KCNIP4: variants seen among roughly 807,000 people sequenced by gnomAD.
KCNIP4 encodes the protein potassium voltage-gated channel interacting protein 4.
KCNIP4 carries 12 observed loss-of-function variants against 34.0 expected under a neutral mutation model. That is an observed-to-expected ratio of 0.35 (90% CI 0.23 to 0.57). The LOEUF is 0.57. KCNIP4 is among the 20% of genes least tolerant of loss of function. KCNIP4 has a pLI of 0.83. For missense variants in KCNIP4, 238 were observed against 311.7 expected (o/e 0.76, Z 1.78); for synonymous variants, 124 against 102.2 (o/e 1.21, Z -1.29).
intron 1 of KCNIP4, among the ~76,000 whole-genome samples, chr4:21,493,137 C>G (rs915181392): frequency 1.3e-5 from 2 of 150,840 alleles, no homozygotes; most frequent in African/African-American, 4.8e-5. Context: ...TAAATGGAGT[C>G]CCCATGGGGC....
At chr4:21,383,606 T>C (rs534128427) in intron 1 of KCNIP4, among the ~76,000 whole-genome samples, 4 of 152,184 alleles carry the variant, frequency 2.6e-5, no homozygotes, top group Non-Finnish European at 4.4e-5. Flanking sequence ...TCTGGATACT[T>C]TGCATGGAGG....
intron 1 of KCNIP4, among the ~76,000 whole-genome samples, chr4:21,902,772 T>C (rs951613767): frequency 2.0e-5 from 3 of 152,100 alleles, no homozygotes; most frequent in South Asian, 2.1e-4. Context: ...CAGAAATATA[T>C]GGTTGAGGCT....
In KCNIP4 at chr4:21,919,763, C is replaced by T. The variant is rs529281495; in HGVS notation, c.61+28808G>A. ...CTATACTCTGATAAAGGGAATATTT[C>T]CCTTTATTTTCTATACTTAGAAAAA... On this transcript the variant is annotated intron_variant, in intron 1 of 8. Transcript: ENST00000382152. Among the ~76,000 whole-genome samples the T allele has an allele frequency of 4.6e-5, 7 of 152,194 alleles. No homozygotes were observed. The South Asian group carries it at 1.5e-3, about 32-fold the overall frequency.
intron 1 of KCNIP4, among the ~76,000 whole-genome samples, chr4:21,013,038 G>A (rs186750963): frequency 6.6e-6 from 1 of 152,172 alleles, no homozygotes; most frequent in African/African-American, 2.4e-5. Context: ...CTGCGAAGCT[G>A]AGAATGAACT....
At chr4:21,245,414 A>G (rs1760126059) in intron 1 of KCNIP4, among the ~76,000 whole-genome samples, 1 of 152,132 alleles carries the variant, frequency 6.6e-6, no homozygotes, top group Non-Finnish European at 1.5e-5. Context: ...ATTTAAATAT[A>G]AGCTCCATGA....
chr4:21,092,175 C>A (rs890234749), intron 1 of KCNIP4, among the ~76,000 whole-genome samples: 1 of 151,756 alleles, frequency 6.6e-6, no homozygotes, highest in Non-Finnish European at 1.5e-5. Flanking sequence ...TTTATATGTC[C>A]CAAGCATTCC....
At chr4:20,750,830 C>G (rs1161838870) in intron 4 of KCNIP4, among the ~76,000 whole-genome samples, 2 of 152,076 alleles carry the variant, frequency 1.3e-5, no homozygotes, top group African/African-American at 4.8e-5. Flanking sequence ...TTGGCTCTAG[C>G]CTTTTATCTT....
chr4:20,799,020 G>C (rs955621799), intron 3 of KCNIP4, among the ~76,000 whole-genome samples: 4 of 152,166 alleles, frequency 2.6e-5, no homozygotes, highest in Non-Finnish European at 5.9e-5. Flanking sequence ...TCCTGCTCTG[G>C]GGGTGAAACC....
intron 1 of KCNIP4, among the ~76,000 whole-genome samples, chr4:20,964,511 G>A (rs1003435405): frequency 3.3e-5 from 5 of 152,156 alleles, no homozygotes; most frequent in Non-Finnish European, 4.4e-5. Flanking sequence ...CAGCAAGATC[G>A]TCTTTTTTGG....
In KCNIP4 at chr4:21,509,389, C is replaced by T. The variant is rs546024264; in HGVS notation, c.61+439182G>A. On this transcript the variant is annotated intron_variant, in intron 1 of 8. Transcript: ENST00000382152. ...CATCCATTATAATATAAACCTCCTGCTGGAGACTTGGTATGACAATACCAT... is the reference window on the plus strand; with the variant it reads ...CATCCATTATAATATAAACCTCCTGTTGGAGACTTGGTATGACAATACCAT... Among the ~76,000 whole-genome samples, 6 of 152,250 alleles carry T rather than the reference C, an allele frequency of 3.9e-5. No homozygotes were observed. In the South Asian group the frequency reaches 1.2e-3, roughly 32 times the overall value.
chr4:21,301,682 T>C (rs1256652939), intron 1 of KCNIP4, among the ~76,000 whole-genome samples: 1 of 152,180 alleles, frequency 6.6e-6, no homozygotes, highest in African/African-American at 2.4e-5. Flanking sequence ...AGCTTGATAA[T>C]AAACATTGCT....
At position 20,873,381 on chromosome 4, in the gene KCNIP4, G is replaced by A. The variant is rs13353536; in HGVS notation, c.163+9227C>T. On this transcript the variant is annotated intron_variant, in intron 2 of 8. Transcript: ENST00000382152. ...AGGCTTAAAATAGCATTATGCTCAA[G>A]TGTTAGCTATTGATACTGTCTTGCA... Among the ~76,000 whole-genome samples, 1,113 of 152,274 alleles carry A rather than the reference G, an allele frequency of 7.3e-3. 12 individuals carry two copies. Among genetic ancestry groups the A allele is most frequent in the African/African-American group, 0.025 (1,054 of 41,554 alleles).
In KCNIP4 at chr4:21,151,405, A is replaced by ATTTTTTTTTTTT. The variant is rs1491541435; in HGVS notation, c.62-268697_62-268696insAAAAAAAAAAAA. ...AGAATGGATGTCTTCAACAAAAGAC[A>ATTTTTTTTTTTT]ATTTTTTTTTTTTTTTTTTTTTTTT... On this transcript the variant is annotated intron_variant, in intron 1 of 8. Transcript: ENST00000382152. Among the ~76,000 whole-genome samples the ATTTTTTTTTTTT allele has an allele frequency of 3.7e-4, 35 of 93,516 alleles. 14 individuals carry two copies. The highest frequency in any genetic ancestry group is 1.1e-3 in the African/African-American group (26 of 24,724). 61.4% of individuals were successfully genotyped at this position (93,516 alleles called of 152,430 possible).
chr4:21,126,394 G>A (rs992097525), intron 1 of KCNIP4, among the ~76,000 whole-genome samples: 1 of 151,968 alleles, frequency 6.6e-6, no homozygotes, highest in Non-Finnish European at 1.5e-5. Flanking sequence ...GATTTCTTTT[G>A]GTAGTGAGAG....
chr4:21,831,663 CAAAAAA>C (rs141374886), intron 1 of KCNIP4, among the ~76,000 whole-genome samples: 8 of 73,222 alleles, frequency 1.1e-4, no homozygotes, highest in African/African-American at 1.7e-4. Context: ...CATTTTTCAT[CAAAAAA>C]AAAAAAAAAA....
At chr4:21,634,006 C>G (rs531974839) in intron 1 of KCNIP4, among the ~76,000 whole-genome samples, 1 of 151,906 alleles carries the variant, frequency 6.6e-6, no homozygotes, top group African/African-American at 2.4e-5. Flanking sequence ...GTTTACTGTA[C>G]ATTTATTAGC....
At chr4:20,996,202 C>T (rs1468935732) in intron 1 of KCNIP4, among the ~76,000 whole-genome samples, 1 of 152,214 alleles carries the variant, frequency 6.6e-6, no homozygotes, top group Non-Finnish European at 1.5e-5. Context: ...GCTAACATAG[C>T]CGTAGGCCCA....
At chr4:21,745,821 ATAAG>A (rs1396428360) in intron 1 of KCNIP4, among the ~76,000 whole-genome samples, 5 of 152,196 alleles carry the variant, frequency 3.3e-5, no homozygotes, top group African/African-American at 9.7e-5. Flanking sequence ...GAAGCAAACA[ATAAG>A]TATGTTTAAT....
intron 1 of KCNIP4, among the ~76,000 whole-genome samples, chr4:21,091,413 G>T (rs1197599615): frequency 6.6e-6 from 1 of 152,140 alleles, no homozygotes; most frequent in Non-Finnish European, 1.5e-5. Flanking sequence ...TAAGGCTTAA[G>T]ATAACAAGGT....
Sources: gnomAD v4.1 joint callset for allele counts (sites outside exome capture counted in the v4.1 genomes callset) on GRCh38, gnomAD v4.1.1 for gene constraint, MANE v1.5 for transcripts, NCBI Gene and HGNC (gene_info 2026-07-23, HGNC 2026-07-21) for gene names.